The following ZNF718 variants were observed in gnomAD, a reference collection of about 807,000 sequenced individuals.
ZNF718 encodes the protein zinc finger protein 718.
In ZNF718, 3 loss-of-function variants were observed where a neutral mutation model predicts 2.6. The observed-to-expected ratio is 1.16, with a 90% CI of 0.53 to 3.01. The LOEUF is 3.01. Ranked by LOEUF, ZNF718 falls within the 30% of genes most tolerant of loss-of-function variation. The pLI, the probability that ZNF718 is intolerant of heterozygous loss-of-function variation, is 0.03. For synonymous variants in ZNF718, 135 were observed against 77.9 expected (o/e 1.73, Z -3.86); for missense variants, 468 against 230.0 (o/e 2.03, Z -6.69).
intron 3 of ZNF718, among the ~76,000 whole-genome samples, chr4:146,572 T>C (rs1553811391): frequency 6.6e-6 from 1 of 152,168 alleles, no homozygotes; most frequent in African/African-American, 2.4e-5. Context: ...ACTGAATGTC[T>C]GTATTTCTTC....
At chr4:182,812 G>A (rs1717494532) in intron 3 of ZNF718, among the ~76,000 whole-genome samples, 1 of 152,128 alleles carries the variant, frequency 6.6e-6, no homozygotes. Context: ...TCTGAGAAGT[G>A]TCTGTTAATA....
At chr4:193,260 C>T (rs535166197) in intron 3 of ZNF718, among the ~76,000 whole-genome samples, 35 of 152,198 alleles carry the variant, frequency 2.3e-4, no homozygotes, top group Admixed American at 2.6e-4. Context: ...CCTTTCCTTT[C>T]CTTTCTGGTG....
intron 3 of ZNF718, among the ~76,000 whole-genome samples, chr4:188,690 G>A (rs1717619243): frequency 6.6e-6 from 1 of 152,174 alleles, no homozygotes; most frequent in Non-Finnish European, 1.5e-5. Context: ...TCAGGCCCAA[G>A]GCCCTGGTCA....
At chr4:170,575 C>G (rs1276406602) in intron 3 of ZNF718, among the ~76,000 whole-genome samples, 1 of 152,058 alleles carries the variant, frequency 6.6e-6, no homozygotes, top group African/African-American at 2.4e-5. Context: ...CTAAACTTCT[C>G]TTCTCACTTC....
At chr4:150,544 G>A (rs553490309) in intron 3 of ZNF718, among the ~76,000 whole-genome samples, 9 of 152,010 alleles carry the variant, frequency 5.9e-5, no homozygotes, top group African/African-American at 1.9e-4. Context: ...TTAATGTAAC[G>A]GCCTCCAGGT....
chr4:191,114 A>C (rs1325012849), intron 3 of ZNF718, among the ~76,000 whole-genome samples: 1 of 151,110 alleles, frequency 6.6e-6, no homozygotes, highest in Non-Finnish European at 1.5e-5. Context: ...GTATCTTCTA[A>C]GTTTCTAAAA....
intron 3 of ZNF718, among the ~76,000 whole-genome samples, chr4:192,508 TAGTC>T (rs1347336495): frequency 5.3e-5 from 8 of 152,316 alleles, no homozygotes; most frequent in South Asian, 2.1e-4. Context: ...TAGGAATTCT[TAGTC>T]AGCCCAGGAA....
intron 3 of ZNF718, among the ~76,000 whole-genome samples, chr4:172,784 G>A (rs892880917): frequency 6.6e-6 from 1 of 151,372 alleles, no homozygotes; most frequent in Non-Finnish European, 1.5e-5. Flanking sequence ...TGCCAGGTGT[G>A]GTGACTCTCA....
In ZNF718 at chr4:143,683, C is replaced by T. The variant is rs543655084; in HGVS notation, c.226+12178C>T. ...CATTCTTAACAGCATAGGTATCCAC[C>T]CCCATTATATCTTTTAACCAAACAC... On this transcript the variant is annotated intron_variant, in intron 3 of 3. Transcript: ENST00000510175. Among the ~76,000 whole-genome samples the T allele has an allele frequency of 4.6e-5, 7 of 152,204 alleles. No individual in the cohort carries two copies. In the South Asian group the frequency reaches 1.5e-3, roughly 32 times the overall value.
chr4:155,029 T>G (rs367555634), intron 3 of ZNF718, among the ~76,000 whole-genome samples: 25 of 152,210 alleles, frequency 1.6e-4, no homozygotes, highest in Admixed American at 3.9e-4. Context: ...AGCTTAGGCC[T>G]TGGCTTCAGA....
chr4:182,733 T>G (rs1278396302), intron 3 of ZNF718, among the ~76,000 whole-genome samples: 1 of 152,116 alleles, frequency 6.6e-6, no homozygotes, highest in African/African-American at 2.4e-5. Context: ...GCGTTTGGCT[T>G]GCTTTTTTCT....
In ZNF718 at chr4:161,701, A is replaced by G; in HGVS notation, c.1016A>G (p.Tyr339Cys). Residue 339 changes from tyrosine to cysteine, a missense_variant, in exon 4 of 4, where the codon TAC becomes TGC. Physicochemically the swap from Tyr to Cys is radical, Grantham distance 194 (BLOSUM62 -2). Coordinates refer to ENST00000510175, the MANE Select transcript of ZNF718 (RefSeq NM_001039127.6). Reference protein sequence around the residue: ...HKRIHTGEKPYKCEECGKSFN... With the variant: ...HKRIHTGEKPCKCEECGKSFN... ...AGAATTCATACAGGAGAGAAACCCT[A>G]CAAATGTGAAGAATGTGGAAAATCC... 1.3e-6 allele frequency: 1 copy of G among 779,198 alleles called. No homozygotes were observed. The allele number at this position is 779,198 out of a possible 1,614,324, so 48.3% of individuals were successfully genotyped here. A position where few individuals can be genotyped will look rare whatever the true frequency, so the allele number is the denominator to read the frequency against.
intron 3 of ZNF718, among the ~76,000 whole-genome samples, chr4:171,493 G>A (rs762070256): frequency 3.3e-5 from 5 of 152,226 alleles, no homozygotes; most frequent in African/African-American, 7.2e-5. Flanking sequence ...GGGCTCCACC[G>A]AGTTCGAGTT....
At chr4:186,196 C>G (rs1244377117) in intron 3 of ZNF718, among the ~76,000 whole-genome samples, 2 of 152,120 alleles carry the variant, frequency 1.3e-5, no homozygotes, top group South Asian at 2.1e-4. Context: ...TAAATTCCCT[C>G]AGTATTTGCT....
intron 3 of ZNF718, among the ~76,000 whole-genome samples, chr4:144,225 T>G (rs1405601238): frequency 7.9e-5 from 12 of 152,180 alleles, no homozygotes; most frequent in African/African-American, 2.2e-4. Context: ...GTAAATCCTT[T>G]TATTCCTTCC....
chr4:177,126 C>G (rs1717366147), intron 3 of ZNF718, among the ~76,000 whole-genome samples: 1 of 152,158 alleles, frequency 6.6e-6, no homozygotes, highest in African/African-American at 2.4e-5. Flanking sequence ...ATCTAATTTC[C>G]TTCCACAATG....
intron 3 of ZNF718, among the ~76,000 whole-genome samples, chr4:134,539 A>G (rs1715476052): frequency 6.6e-6 from 1 of 152,212 alleles, no homozygotes; most frequent in Admixed American, 6.5e-5. Flanking sequence ...CTTTGAATAT[A>G]TAGATCACTT....
intron 3 of ZNF718, chr4:136,323 C>G: frequency 1.9e-6 from 1 of 517,360 alleles, no homozygotes; most frequent in Non-Finnish European, 3.9e-6. Flanking sequence ...AGTCACAGGA[C>G]TGCTTCAGGG....
At chr4:141,312 A>T (rs1715803187) in intron 3 of ZNF718, among the ~76,000 whole-genome samples, 1 of 152,226 alleles carries the variant, frequency 6.6e-6, no homozygotes, top group Non-Finnish European at 1.5e-5. Flanking sequence ...GAAAAGTTTA[A>T]ATCATAAAAT....
Sources: allele counts gnomAD v4.1 joint callset (sites outside exome capture counted in the v4.1 genomes callset), GRCh38; gene constraint gnomAD v4.1.1; transcripts MANE v1.5; gene names NCBI Gene and HGNC (gene_info 2026-07-23, HGNC 2026-07-21).